Variants in SSPN observed in about 807,000 individuals in gnomAD.
SSPN encodes the protein sarcospan, also known as K-ras oncogene-associated protein.
In SSPN, 15 loss-of-function variants were observed where a neutral mutation model predicts 19.1. The observed-to-expected ratio is 0.78, with a 90% confidence interval of 0.52 to 1.21. The LOEUF (loss-of-function observed/expected upper bound fraction) is 1.21. SSPN is among the 50% of genes most tolerant of loss of function. SSPN has a pLI of 0.00. For missense variants in SSPN, 291 were observed against 314.0 expected (o/e 0.93, Z 0.55); for synonymous variants, 147 against 140.3 (o/e 1.05, Z -0.34).
chr12:26,178,638 CA>C (rs1367080768), intron 1 of SSPN, among the ~76,000 whole-genome samples: 1 of 152,026 alleles, frequency 6.6e-6, no homozygotes, highest in African/African-American at 2.4e-5. Context: ...CATAGGAGAG[CA>C]AAAAGGAACA....
chr12:26,143,224 A>G (rs1252769218), intron 1 of SSPN, among the ~76,000 whole-genome samples: 1 of 152,236 alleles, frequency 6.6e-6, no homozygotes, highest in Non-Finnish European at 1.5e-5. Flanking sequence ...CCAAACAGCT[A>G]AGCAAAATAT....
At chr12:26,187,217 G>A (rs759804619) in intron 1 of SSPN, among the ~76,000 whole-genome samples, 5 of 152,226 alleles carry the variant, frequency 3.3e-5, no homozygotes, top group South Asian at 2.1e-4. Context: ...GCCAGGCCAC[G>A]CCCCAGGGCC....
upstream of SSPN, among the ~76,000 whole-genome samples, chr12:26,191,960 T>C: frequency 6.6e-6 from 1 of 152,230 alleles, no homozygotes; most frequent in East Asian, 1.9e-4. Context: ...TTTTTTGTTC[T>C]TGGGGAATGT....
At chr12:26,122,840 C>A in intron 1 of SSPN, 1 of 1,577,390 alleles carries the variant, frequency 6.3e-7, no homozygotes, top group East Asian at 2.3e-5. Flanking sequence ...CGGCGCTGGG[C>A]TGAGTCCGCT....
chr12:26,141,507 C>A (rs986709358), intron 1 of SSPN, among the ~76,000 whole-genome samples: 2 of 152,146 alleles, frequency 1.3e-5, no homozygotes, highest in African/African-American at 2.4e-5. Flanking sequence ...CCACAGAAAA[C>A]TAATACAGTA....
rs542371610 is a variant in SSPN, at chr12:26,231,934, G to A, written c.*858G>A. 12 of 985,110 alleles carry A rather than the reference G, an allele frequency of 1.2e-5. No individual in the cohort carries two copies. The highest frequency in any genetic ancestry group is 1.7e-5 in the African/African-American group (1 of 57,258). 61.0% of individuals were successfully genotyped at this position (985,110 alleles called of 1,614,324 possible). On this transcript the variant is annotated 3_prime_UTR_variant, in exon 3 of 3. Coordinates refer to ENST00000242729, the MANE Select transcript of SSPN (RefSeq NM_005086.5). ...CTGACTGTACTTACGCTGCACTGTC[G>A]GTGTTAAGAGAAATTACTCTCACAA...
At chr12:26,145,567 G>A (rs1231432544) in intron 1 of SSPN, among the ~76,000 whole-genome samples, 1 of 152,190 alleles carries the variant, frequency 6.6e-6, no homozygotes, top group Non-Finnish European at 1.5e-5. Context: ...GTCTCATACA[G>A]AGCCTCTGCC....
In SSPN at chr12:26,231,892, A is replaced by G; in HGVS notation, c.*816A>G. ...ATTGTTAATTATAATTATGCTCAGA[A>G]GTCTATTTAATGAGCTCTGACTGTA... On this transcript the variant is annotated 3_prime_UTR_variant, in exon 3 of 3. Coordinates refer to ENST00000242729, the MANE Select transcript of SSPN (RefSeq NM_005086.5). 2 of 943,412 alleles carry G rather than the reference A, an allele frequency of 2.1e-6. No homozygotes were observed. The highest frequency in any genetic ancestry group is 1.3e-6 in the Non-Finnish European group (1 of 791,522). 58.4% of individuals were successfully genotyped at this position (943,412 alleles called of 1,614,324 possible).
chr12:26,142,422 G>C (rs1944466367), intron 1 of SSPN, among the ~76,000 whole-genome samples: 1 of 152,148 alleles, frequency 6.6e-6, no homozygotes, highest in South Asian at 2.1e-4. Context: ...TGGGATTGGT[G>C]ACCAATTTAT....
At chr12:26,222,146 T>C (rs1294342312) in intron 1 of SSPN, among the ~76,000 whole-genome samples, 1 of 152,212 alleles carries the variant, frequency 6.6e-6, no homozygotes, top group Non-Finnish European at 1.5e-5. Context: ...CTCCAGTCCA[T>C]GCCATGCTCA....
At chr12:26,203,651 C>A (rs964922087) in intron 1 of SSPN, among the ~76,000 whole-genome samples, 1 of 152,164 alleles carries the variant, frequency 6.6e-6, no homozygotes, top group African/African-American at 2.4e-5. Flanking sequence ...ATGTGTACAC[C>A]TACACATATG....
chr12:26,148,787 A>G (rs1944508156), intron 1 of SSPN, among the ~76,000 whole-genome samples: 1 of 152,198 alleles, frequency 6.6e-6, no homozygotes, highest in South Asian at 2.1e-4. Context: ...TTGAAAATAA[A>G]TGAAGATGTT....
intron 1 of SSPN, chr12:26,123,126 G>A: frequency 6.2e-7 from 1 of 1,609,546 alleles, no homozygotes; most frequent in Non-Finnish European, 8.5e-7. Context: ...CGAGTGGAAC[G>A]CATCCAAGTC....
intron 1 of SSPN, among the ~76,000 whole-genome samples, chr12:26,216,103 G>T (rs999895750): frequency 1.3e-5 from 2 of 152,160 alleles, no homozygotes; most frequent in Non-Finnish European, 2.9e-5. Context: ...TGGTATATTA[G>T]TAGTAGTAGT....
chr12:26,196,216 C>A (rs1483010024), intron 1 of SSPN, among the ~76,000 whole-genome samples: 4 of 152,334 alleles, frequency 2.6e-5, no homozygotes, highest in South Asian at 4.1e-4. Context: ...CTGGGGAGTT[C>A]ATTTCAAAAG....
chr12:26,144,937 A>G (rs1183120904), intron 1 of SSPN, among the ~76,000 whole-genome samples: 1 of 152,194 alleles, frequency 6.6e-6, no homozygotes, highest in African/African-American at 2.4e-5. Context: ...TTTTAAGTCA[A>G]ACTCTTATCA....
intron 1 of SSPN, among the ~76,000 whole-genome samples, chr12:26,204,548 T>C (rs902226637): frequency 9.0e-6 from 1 of 110,764 alleles, no homozygotes; most frequent in Non-Finnish European, 2.0e-5. Flanking sequence ...AGTGGTACCA[T>C]TGGGGAATGC....
At chr12:26,169,578 CAT>C (rs10568499) in intron 1 of SSPN, among the ~76,000 whole-genome samples, 34,760 of 124,336 alleles carry the variant, frequency 0.28, 4,174 homozygotes, top group South Asian at 0.38. Flanking sequence ...GGATTCAAAT[CAT>C]ATATATATAT....
Position 26,151,598 on chromosome 12 carries a change from C to A in SSPN, c.-31+29446C>A, listed in dbSNP as rs567023733. On this transcript the variant is annotated intron_variant, in intron 1 of 2. Coordinates refer to the SSPN transcript ENST00000538142. The stretch of plus-strand genomic sequence containing the variant: ...GAGTTCTTGGGAGTAAATCAGTGAA[C>A]AAACAGACAAAGCTCCCTGCCCCCA... Among the ~76,000 whole-genome samples, 5 of 152,264 alleles carry A rather than the reference C, an allele frequency of 3.3e-5. No homozygotes were observed. The South Asian group carries it at 1.0e-3, about 32-fold the overall frequency.
Sources: allele counts gnomAD v4.1 joint callset (sites outside exome capture counted in the v4.1 genomes callset), GRCh38; gene constraint gnomAD v4.1.1; transcripts MANE v1.5; gene names NCBI Gene and HGNC (gene_info 2026-07-23, HGNC 2026-07-21).